ACTR3C: variants seen among roughly 807,000 people sequenced by gnomAD.
ACTR3C encodes the protein actin related protein 3C, also known as actin-related protein 3C.
A neutral mutation model predicts 26.3 loss-of-function variants in ACTR3C; 18 were observed. The ratio of observed to expected loss-of-function variants is 0.68; its 90% confidence interval spans 0.47 to 1.01. The LOEUF is 1.01. Ranked by LOEUF, ACTR3C falls within the 50% of genes least tolerant of loss-of-function variation. ACTR3C has a pLI of 0.00. For missense variants in ACTR3C, 184 were observed against 250.7 expected (o/e 0.73, Z 1.80); for synonymous variants, 55 against 94.5 (o/e 0.58, Z 2.42).
At chr7:150,038,896 C>CCT in the ACTR3C span, among the ~76,000 whole-genome samples, 1 of 55,622 alleles carries the variant, frequency 1.8e-5, no homozygotes, top group Non-Finnish European at 4.1e-5. Flanking sequence ...TGCCTCCCCC[C>CCT]TGCGATGGGG....
chr7:150,181,823 C>T, the ACTR3C span, among the ~76,000 whole-genome samples: 1,090 of 150,388 alleles, frequency 7.2e-3, 36 homozygotes, highest in East Asian at 0.036. Flanking sequence ...ATTACCCCTA[C>T]AAAATACTGA....
At chr7:150,127,544 G>A in the ACTR3C span, among the ~76,000 whole-genome samples, 2 of 151,872 alleles carry the variant, frequency 1.3e-5, no homozygotes, top group African/African-American at 4.8e-5. Context: ...TTCTGCATGT[G>A]ACTAATGTCT....
At chr7:150,004,832 G>A in the ACTR3C span, 846 of 152,334 alleles carry the variant, frequency 5.6e-3, 4 homozygotes, top group Middle Eastern at 0.017. Flanking sequence ...AAAATGTAAC[G>A]GCCATAACAG....
intron 6 of ACTR3C, among the ~76,000 whole-genome samples, chr7:150,253,132 G>C (rs914407475): frequency 5.3e-5 from 8 of 152,078 alleles, no homozygotes. Flanking sequence ...CTCTGCCCAC[G>C]CCGTGTAAAG....
chr7:150,236,427 G>A, the ACTR3C span, among the ~76,000 whole-genome samples: 1 of 152,118 alleles, frequency 6.6e-6, no homozygotes, highest in Non-Finnish European at 1.5e-5. Flanking sequence ...GGAATGCCCT[G>A]AACCCAATAA....
At chr7:149,964,769 C>A in the ACTR3C span, among the ~76,000 whole-genome samples, 1 of 152,078 alleles carries the variant, frequency 6.6e-6, no homozygotes. Flanking sequence ...GCTGTCCAGC[C>A]AAAGTTTTCT....
At chr7:149,915,870 T>C in the ACTR3C span, among the ~76,000 whole-genome samples, 1 of 150,444 alleles carries the variant, frequency 6.6e-6, no homozygotes, top group Non-Finnish European at 1.5e-5. Context: ...CACCAGAACC[T>C]GGAAACACTC....
chr7:150,039,316 CGG>C, the ACTR3C span, among the ~76,000 whole-genome samples: 668 of 136,282 alleles, frequency 4.9e-3, 2 homozygotes, highest in South Asian at 0.021. Context: ...CAGCCAGGGG[CGG>C]AAGAGGGGAT....
chr7:150,121,753 G>A, the ACTR3C span, among the ~76,000 whole-genome samples: 1 of 151,394 alleles, frequency 6.6e-6, no homozygotes, highest in African/African-American at 2.4e-5. Context: ...ATATGGAACC[G>A]AAAAAAGAGC....
At chr7:149,957,841 T>C in the ACTR3C span, among the ~76,000 whole-genome samples, 423 of 152,222 alleles carry the variant, frequency 2.8e-3, 15 homozygotes, top group East Asian at 0.068. Flanking sequence ...CACCTCCTGC[T>C]TGAGGACCTC....
intron 3 of ACTR3C, among the ~76,000 whole-genome samples, chr7:150,291,558 AT>A (rs1836267298): frequency 6.6e-6 from 1 of 152,198 alleles, no homozygotes; most frequent in Non-Finnish European, 1.5e-5. Context: ...GACTAATGTA[AT>A]TTTTATAGCT....
the ACTR3C span, among the ~76,000 whole-genome samples, chr7:150,034,007 C>T: frequency 6.7e-6 from 1 of 149,048 alleles, no homozygotes; most frequent in African/African-American, 2.5e-5. Context: ...TTGCCTGCCC[C>T]CCTGCGATGG....
the ACTR3C span, among the ~76,000 whole-genome samples, chr7:150,235,882 T>C: frequency 2.0e-5 from 3 of 152,250 alleles, no homozygotes; most frequent in South Asian, 4.1e-4. Context: ...CAATTTCATG[T>C]TTCTGATAGT....
chr7:150,042,097 G>A, the ACTR3C span, among the ~76,000 whole-genome samples: 8 of 90,312 alleles, frequency 8.9e-5, no homozygotes, highest in African/African-American at 3.2e-4. Context: ...CCTGCCTCGC[G>A]GGGGGTGCCT....
chr7:150,147,564 T>TG, the ACTR3C span, among the ~76,000 whole-genome samples: 592 of 152,308 alleles, frequency 3.9e-3, 5 homozygotes, highest in African/African-American at 0.014. Flanking sequence ...TCCTTATAAA[T>TG]GAAATAATTA....
At chr7:150,235,606 A>G in the ACTR3C span, among the ~76,000 whole-genome samples, 4 of 152,224 alleles carry the variant, frequency 2.6e-5, no homozygotes, top group African/African-American at 9.7e-5. Flanking sequence ...TATATAGAAC[A>G]AGTTGAATAT....
the ACTR3C span, among the ~76,000 whole-genome samples, chr7:149,972,314 A>G: frequency 1.3e-5 from 2 of 152,194 alleles, no homozygotes; most frequent in Non-Finnish European, 2.9e-5. Flanking sequence ...TACATATTGT[A>G]TTGTTTGGGA....
chr7:150,151,841 G>C, the ACTR3C span, among the ~76,000 whole-genome samples: 1 of 137,534 alleles, frequency 7.3e-6, no homozygotes, highest in African/African-American at 2.5e-5. Flanking sequence ...TACCTAACCT[G>C]CACATTGTGC....
At chr7:150,105,249 AT>A in the ACTR3C span, among the ~76,000 whole-genome samples, 1 of 151,312 alleles carries the variant, frequency 6.6e-6, no homozygotes, top group African/African-American at 2.4e-5. Context: ...CCCCTGGCTA[AT>A]TTTTTATATT....
Sources: allele counts gnomAD v4.1 joint callset (sites outside exome capture counted in the v4.1 genomes callset), GRCh38; gene constraint gnomAD v4.1.1; transcripts MANE v1.5; gene names NCBI Gene and HGNC (gene_info 2026-07-23, HGNC 2026-07-21).